Variants in DNAJC2 observed in about 807,000 individuals in gnomAD.
DNAJC2 encodes dnaJ homolog subfamily C member 2.
In DNAJC2, 32 loss-of-function variants were observed where a neutral mutation model predicts 94.0. The ratio of observed to expected loss-of-function variants is 0.34; its 90% CI spans 0.26 to 0.46. DNAJC2 has a LOEUF of 0.46. DNAJC2 is among the 20% of genes least tolerant of loss of function. The probability of loss-of-function intolerance (pLI) is 1.00; values close to 1 mark genes in which losing one functional copy is unlikely to be tolerated. For synonymous variants in DNAJC2, 210 were observed against 229.7 expected, an observed-to-expected ratio of 0.91 and a Z score of 0.77; for missense variants, 550 against 719.5, an observed-to-expected ratio of 0.76 and a Z score of 2.69.
intron 3 of DNAJC2, among the ~76,000 whole-genome samples, chr7:103,333,640 C>T (rs898006521): frequency 6.6e-5 from 10 of 152,146 alleles, no homozygotes; most frequent in African/African-American, 2.2e-4. Context: ...AAAAAGTTCC[C>T]TTGTACCCTT....
At chr7:103,326,771 A>C in intron 4 of DNAJC2, 87 bp from the exon 5 acceptor site, 1 of 1,311,944 alleles carries the variant, frequency 7.6e-7, no homozygotes, top group Non-Finnish European at 1.0e-6. Context: ...CTTAAAACAT[A>C]GAAGTCATTA....
intron 3 of DNAJC2, among the ~76,000 whole-genome samples, chr7:103,333,922 C>T (rs1047039669): frequency 1.6e-4 from 24 of 150,492 alleles, no homozygotes; most frequent in African/African-American, 5.6e-4. Flanking sequence ...TTTCCAGTTT[C>T]TGGACATTGT....
At position 103,344,612 on chromosome 7, in the gene DNAJC2, A is replaced by G. The variant is rs1429421555; in HGVS notation, c.11T>C (p.Leu4Pro). 4 of 1,611,722 alleles carry G rather than the reference A, an allele frequency of 2.5e-6. No homozygotes were observed. In the East Asian group the frequency reaches 6.7e-5, roughly 27 times the overall value. Residue 4 changes from leucine (L) to proline (P), a missense_variant, in exon 1 of 17, where the codon CTG (leucine) becomes CCG (proline). By Grantham distance (98) the Leu-to-Pro change is moderately conservative (BLOSUM62 -3). This residue lies in a region of DNAJC2 where 279 missense variants were observed against 416.9 expected (regional missense o/e 0.67). Transcript: ENST00000379263. ...GCCCCGGCCGTCCGCGGCGCTTGGC[A>G]GAAGCAGCATGATGGCGCCGGGTCT... MLL[L>P]PSAADGRGTA...
At chr7:103,342,442 A>T (rs909172560) in intron 1 of DNAJC2, among the ~76,000 whole-genome samples, 2 of 151,220 alleles carry the variant, frequency 1.3e-5, no homozygotes, top group African/African-American at 4.9e-5. Context: ...AGCAGCTGGG[A>T]TTACAGGCAT....
At position 103,317,150 on chromosome 7, in the gene DNAJC2, C is replaced by A. The variant is rs999196140; in HGVS notation, c.1243-136G>T. 1.2e-5 allele frequency: 9 copies of A among 748,834 alleles called. No homozygotes were observed. The South Asian group carries it at 1.5e-4, about 13-fold the overall frequency. 46.4% of individuals were successfully genotyped at this position (748,834 alleles called of 1,614,324 possible). A position where few individuals can be genotyped will look rare whatever the true frequency, so the allele number is the denominator to read the frequency against. On this transcript the variant is annotated intron_variant, in intron 12 of 16. Transcript: ENST00000379263. ...GACCCCATACTCCTCTCAGGCCAAC[C>A]CAAAAAGAAGCACCAGCTTTTCACT...
At chr7:103,328,735 T>C (rs1818842068) in intron 3 of DNAJC2, among the ~76,000 whole-genome samples, 1 of 152,218 alleles carries the variant, frequency 6.6e-6, no homozygotes, top group Non-Finnish European at 1.5e-5. Flanking sequence ...TCCATGGTTT[T>C]TTCCTTGCAA....
chr7:103,315,088 C>T (rs1476450400), intron 15 of DNAJC2, among the ~76,000 whole-genome samples: 1 of 151,972 alleles, frequency 6.6e-6, no homozygotes, highest in Admixed American at 6.6e-5. Context: ...ACTTCATGAC[C>T]CAGTGATGGG....
intron 3 of DNAJC2, among the ~76,000 whole-genome samples, chr7:103,331,237 C>T (rs879368791): frequency 9.9e-5 from 15 of 152,204 alleles, no homozygotes; most frequent in Non-Finnish European, 1.9e-4. Flanking sequence ...GGATTACAGG[C>T]GTGAGCCACT....
At chr7:103,320,830 CTTTTTTTTTTT>C (rs745754898) in intron 10 of DNAJC2, 1,383 of 113,806 alleles carry the variant, frequency 0.012, 21 homozygotes, top group Admixed American at 0.019. Context: ...CTCAGCATGT[CTTTTTTTTTTT>C]TTTTTTTTTG....
chr7:103,326,911 A>G (rs1332278744), intron 4 of DNAJC2, among the ~76,000 whole-genome samples: 1 of 152,230 alleles, frequency 6.6e-6, no homozygotes. Context: ...TGACAAAACA[A>G]TAAATATCAC....
Position 103,322,115 on chromosome 7 carries a change from G to A in DNAJC2, c.934-34C>T, listed in dbSNP as rs766944568. 9.5e-6 allele frequency: 14 copies of A among 1,468,258 alleles called. No homozygotes were observed. In the South Asian group the frequency reaches 1.6e-4, roughly 17 times the overall value. 91.0% of individuals were successfully genotyped at this position (1,468,258 alleles called of 1,614,324 possible). ...AAAGGGAGTAAAATCATTTTAATAG[G>A]TACAGTAAAATTCCTAAATGTTTTA... On this transcript the variant is annotated intron_variant, in intron 9 of 16. Coordinates refer to ENST00000379263, the MANE Select transcript of DNAJC2 (RefSeq NM_014377.3).
intron 3 of DNAJC2, chr7:103,335,397 A>G (rs1485077756): frequency 6.6e-6 from 1 of 152,188 alleles, no homozygotes; most frequent in African/African-American, 2.4e-5. Context: ...TTTCTAAATA[A>G]AGACTGACGG....
At chr7:103,338,786 T>C (rs902136276) in intron 2 of DNAJC2, among the ~76,000 whole-genome samples, 3 of 151,988 alleles carry the variant, frequency 2.0e-5, no homozygotes, top group Non-Finnish European at 4.4e-5. Flanking sequence ...GGCGCCCACC[T>C]GTAATCCCAG....
At chr7:103,328,873 C>T in intron 3 of DNAJC2, 2 of 492,038 alleles carry the variant, frequency 4.1e-6, no homozygotes, top group Non-Finnish European at 6.4e-6. Flanking sequence ...TAAATAATGC[C>T]AATTTGAATA....
In DNAJC2 at chr7:103,324,556, T is replaced by G; in HGVS notation, c.579A>C (p.Ser193=). ...CAAGTTTAGGAACATTTTTTTTATT[T>G]GACCATCTGAAATATCAAAGGAAAT... ...TPVFERNSRW[S]NKKNVPKLGD... is the part of the protein sequence containing the mutation. Residue 193 remains serine (S), a synonymous_variant, in exon 6 of 17, where the codon TCA becomes TCC. Coordinates refer to ENST00000379263, the MANE Select transcript of DNAJC2 (RefSeq NM_014377.3). 1 of 1,478,370 alleles carries G rather than the reference T, an allele frequency of 6.8e-7. No homozygotes were observed. The highest frequency in any genetic ancestry group is 1.3e-5 in the South Asian group (1 of 76,288). The allele number at this position is 1,478,370 out of a possible 1,614,324, so 91.6% of individuals were successfully genotyped here.
intron 2 of DNAJC2, among the ~76,000 whole-genome samples, 165 bp from the exon 3 acceptor site, chr7:103,337,976 T>C (rs1346332259): frequency 6.6e-6 from 1 of 152,108 alleles, no homozygotes; most frequent in African/African-American, 2.4e-5. Context: ...GGTTGAGAAA[T>C]GTGGATTAGG....
At chr7:103,316,149 A>G in intron 13 of DNAJC2, 61 bp from the exon 14 acceptor site, 1 of 1,079,544 alleles carries the variant, frequency 9.3e-7, no homozygotes, top group Non-Finnish European at 1.3e-6. Context: ...ATGAAACGAC[A>G]AAAACCATTA....
At chr7:103,326,444 A>G in intron 5 of DNAJC2, 99 bp downstream of exon 5, 6 of 1,214,684 alleles carry the variant, frequency 4.9e-6, no homozygotes, top group South Asian at 4.0e-5. Context: ...GAAATAATCT[A>G]TAAATGAAAC....
chr7:103,316,145 C>T lies in DNAJC2; in HGVS notation c.1428-57G>A, dbSNP rs538312869. The T allele has an allele frequency of 8.9e-5, 99 of 1,107,292 alleles. 1 individual carries two copies. In the Middle Eastern group the frequency reaches 1.2e-3, roughly 13 times the overall value. The allele number at this position is 1,107,292 out of a possible 1,614,324, so 68.6% of individuals were successfully genotyped here. Reference sequence around the variant, plus strand: ...AGTAGTAAGGAAAAACAAAATGAAACGACAAAAACCATTAGATTTTTACTG... The same window carrying T: ...AGTAGTAAGGAAAAACAAAATGAAATGACAAAAACCATTAGATTTTTACTG... On this transcript the variant is annotated intron_variant, in intron 13 of 16. Coordinates refer to ENST00000379263, the MANE Select transcript of DNAJC2 (RefSeq NM_014377.3).
Sources: allele counts gnomAD v4.1 joint callset (sites outside exome capture counted in the v4.1 genomes callset), GRCh38; gene constraint gnomAD v4.1.1; regional missense constraint gnomAD v4.1.1; transcripts MANE v1.5; gene names NCBI Gene and HGNC (gene_info 2026-07-23, HGNC 2026-07-21).